ESS2: variants seen among roughly 807,000 people sequenced by gnomAD.
The protein encoded by ESS2 is splicing factor ESS-2 homolog.
ESS2 carries 31 observed loss-of-function variants against 52.0 expected under a neutral mutation model. The ratio of observed to expected loss-of-function variants is 0.60; its 90% CI spans 0.45 to 0.81. The LOEUF (loss-of-function observed/expected upper bound fraction) is 0.81, where lower values mean the gene tolerates loss of function less well. Among genes scored for constraint, ESS2 ranks in the 30% least tolerant of loss-of-function variants. The pLI, the probability that ESS2 is intolerant of heterozygous loss-of-function variation, is 0.00. For synonymous variants in ESS2, 285 were observed against 259.2 expected (o/e 1.10, Z -0.95); for missense variants, 602 against 637.2 (o/e 0.94, Z 0.59).
Position 19,132,401 on chromosome 22 carries a change from G to A in ESS2, c.*1795C>T. 1 of 1,613,040 alleles carries A rather than the reference G, an allele frequency of 6.2e-7. No individual in the cohort carries two copies. Among genetic ancestry groups the A allele is most frequent in the Non-Finnish European group, 8.5e-7 (1 of 1,179,992 alleles). On this transcript the variant is annotated 3_prime_UTR_variant, in exon 10 of 10. Coordinates refer to ENST00000252137, the MANE Select transcript of ESS2 (RefSeq NM_022719.3). The surrounding 1 kb of genome is among the most constrained non-coding windows in gnomAD (Gnocchi z 4.2). Reference sequence around the variant, plus strand: ...TGCCCGAGAACGAGAACAGGATGGAGGACAGGCTGGCCGAGACCTCCAGGG... The same window carrying A: ...TGCCCGAGAACGAGAACAGGATGGAAGACAGGCTGGCCGAGACCTCCAGGG...
In ESS2 at chr22:19,139,228, G is replaced by A; in HGVS notation, c.753C>T (p.Phe251=). ...PRQVVHKNTR[F]LRDPFSQALS... ...GGGCTTGGCTGAAGGGGTCCCTAAGGAAGCGCGTGTTCTTATGTACCACCT... is the reference window on the plus strand; with the variant it reads ...GGGCTTGGCTGAAGGGGTCCCTAAGAAAGCGCGTGTTCTTATGTACCACCT... The change falls in exon 6 of 10, where the codon TTC becomes TTT. Residue 251 remains phenylalanine (F), a synonymous_variant. Coordinates refer to ENST00000252137, the MANE Select transcript of ESS2 (RefSeq NM_022719.3). 3 of 1,609,186 alleles carry A rather than the reference G, an allele frequency of 1.9e-6. No homozygotes were observed. Among genetic ancestry groups the A allele is most frequent in the Non-Finnish European group, 2.5e-6 (3 of 1,177,596 alleles).
rs2083497307 is a variant in ESS2 at position 19,130,556 on chromosome 22, A to G, written c.*3640T>C. 1 of 432,940 alleles carries G rather than the reference A, an allele frequency of 2.3e-6. No homozygotes were observed. Among genetic ancestry groups the G allele is most frequent in the South Asian group, 1.8e-5 (1 of 56,222 alleles). 26.8% of individuals were successfully genotyped at this position (432,940 alleles called of 1,614,324 possible). Reference sequence around the variant, plus strand: ...GTACCGGAGTGATTATTTCGATTGTATCTCCTTTACAGCTTGGTCCAGAGA... The same window carrying G: ...GTACCGGAGTGATTATTTCGATTGTGTCTCCTTTACAGCTTGGTCCAGAGA... On this transcript the variant is annotated 3_prime_UTR_variant, in exon 10 of 10. Transcript: ENST00000252137.
chr22:19,132,531 A>G lies in ESS2; in HGVS notation c.*1665T>C. 1.3e-6 allele frequency: 2 copies of G among 1,525,024 alleles called. No individual in the cohort carries two copies. Among genetic ancestry groups the G allele is most frequent in the Non-Finnish European group, 1.8e-6 (2 of 1,128,366 alleles). The allele number at this position is 1,525,024 out of a possible 1,614,324, so 94.5% of individuals were successfully genotyped here. On this transcript the variant is annotated 3_prime_UTR_variant, in exon 10 of 10. Transcript: ENST00000252137. The surrounding 1 kb of genome is among the most constrained non-coding windows in gnomAD (Gnocchi z 4.2). ...GGGTCGGGGTTGGGGGGCATGGTGC[A>G]GTCGGCCTTCACGTAAACTAAGTAG...
intron 5 of ESS2, 56 bp from the exon 6 acceptor site, chr22:19,139,348 C>T (rs143110111): frequency 6.6e-7 from 1 of 1,513,916 alleles, no homozygotes; most frequent in Non-Finnish European, 8.8e-7. Context: ...GCCTAAGGAG[C>T]ATGAGGAGCT....
intron 6 of ESS2, 51 bp downstream of exon 6, chr22:19,139,108 G>A (rs1472111344): frequency 6.5e-7 from 1 of 1,542,930 alleles, no homozygotes. Flanking sequence ...CCTGCCCCCA[G>A]GCAGCCCTGT....
chr22:19,135,184 TAGC>T lies in ESS2; in HGVS notation c.1036-12_1036-10del. 6.2e-7 allele frequency: 1 copy of T among 1,608,924 alleles called. No homozygotes were observed. The highest frequency in any genetic ancestry group is 8.5e-7 in the Non-Finnish European group (1 of 1,176,106). On this transcript the variant is annotated splice_polypyrimidine_tract_variant and intron_variant, in intron 8 of 9. Transcript: ENST00000252137. ...CGGCCTGGCTCCAGGATCTACAAGG[TAGC>T]AGGTGTGTGGGTAGCTGCGCCAGGC...
Position 19,142,816 on chromosome 22 carries a change from C to G in ESS2, c.214G>C (p.Glu72Gln). Residue 72 changes from glutamate (E) to glutamine (Q), a missense_variant, in exon 2 of 10, where the codon GAG becomes CAG. Coordinates refer to ENST00000252137, the MANE Select transcript of ESS2 (RefSeq NM_022719.3). ...LQAQKEYLEAEENGDLERMRQ... is the reference protein window; with the variant it reads ...LQAQKEYLEAQENGDLERMRQ... ...ATCCGTTCCAAGTCTCCATTCTCCT[C>G]GGCTTCCAGGTACTCCTTCTGTGCC... 1 of 1,614,138 alleles carries G rather than the reference C, an allele frequency of 6.2e-7. No individual in the cohort carries two copies. The highest frequency in any genetic ancestry group is 8.5e-7 in the Non-Finnish European group (1 of 1,180,040).
At position 19,142,715 on chromosome 22, in the gene ESS2, G is replaced by C; in HGVS notation, c.304+11C>G. Reference sequence around the variant, plus strand: ...GCTTTCCCCTCTCCGCCACCCACAGGGTCCTCATACAGGGTGGCGGGGGCT... The same window carrying C: ...GCTTTCCCCTCTCCGCCACCCACAGCGTCCTCATACAGGGTGGCGGGGGCT... On this transcript the variant is annotated intron_variant, in intron 2 of 9. Transcript: ENST00000252137. 1 of 1,612,642 alleles carries C rather than the reference G, an allele frequency of 6.2e-7. No individual in the cohort carries two copies. Among genetic ancestry groups the C allele is most frequent in the South Asian group, 1.1e-5 (1 of 90,938 alleles).
At position 19,132,107 on chromosome 22, in the gene ESS2, G is replaced by C. The variant is rs138079700; in HGVS notation, c.*2089C>G. On this transcript the variant is annotated 3_prime_UTR_variant, in exon 10 of 10. Transcript: ENST00000252137. The surrounding 1 kb of genome is among the most constrained non-coding windows in gnomAD (Gnocchi z 4.2). Reference sequence around the variant, plus strand: ...AGAAGGAGCACCGTGTGGACTTCCCGCGCTCCAAGAACCTGACCTGCGAGT... The same window carrying C: ...AGAAGGAGCACCGTGTGGACTTCCCCCGCTCCAAGAACCTGACCTGCGAGT... 162 of 1,612,844 alleles carry C rather than the reference G, an allele frequency of 1.0e-4. No homozygotes were observed. The highest frequency in any genetic ancestry group is 3.3e-4 in the Middle Eastern group (2 of 6,080).
intron 3 of ESS2, 54 bp from the exon 4 acceptor site, chr22:19,140,078 G>A: frequency 1.3e-6 from 2 of 1,593,522 alleles, no homozygotes; most frequent in South Asian, 1.1e-5. Context: ...TCAGGAAAGA[G>A]GAGGACACCC....
Position 19,139,348 on chromosome 22 carries a change from C to A in ESS2, c.689-56G>T, listed in dbSNP as rs143110111. Reference sequence around the variant, plus strand: ...GTCAGAAGGGCAGCAGCCTAAGGAGCATGAGGAGCTCGCTTCTCGGCCAAG... The same window carrying A: ...GTCAGAAGGGCAGCAGCCTAAGGAGAATGAGGAGCTCGCTTCTCGGCCAAG... On this transcript the variant is annotated intron_variant, in intron 5 of 9. Coordinates refer to ENST00000252137, the MANE Select transcript of ESS2 (RefSeq NM_022719.3). 30 of 1,513,796 alleles carry A rather than the reference C, an allele frequency of 2.0e-5. No individual in the cohort carries two copies. In the Admixed American group the frequency reaches 2.1e-4, roughly 11 times the overall value. The allele number at this position is 1,513,796 out of a possible 1,614,324, so 93.8% of individuals were successfully genotyped here.
chr22:19,139,618 G>A lies in ESS2; in HGVS notation c.682C>T (p.Pro228Ser), dbSNP rs1569110187. 6.2e-7 allele frequency: 1 copy of A among 1,613,930 alleles called. No homozygotes were observed. Residue 228 changes from proline (P) to serine (S), a missense_variant, in exon 5 of 10, where the codon CCA becomes TCA. Physicochemically the swap from Pro to Ser is moderately conservative, Grantham distance 74. Coordinates refer to ENST00000252137, the MANE Select transcript of ESS2 (RefSeq NM_022719.3). Reference protein sequence around the residue: ...YKAKNSLMYYPEGVPDEEQLF... With the variant: ...YKAKNSLMYYSEGVPDEEQLF... Reference sequence around the variant, plus strand: ...TGCGAGGCCCGCCACTTACCCTCTGGATAGTACATGAGGGAATTCTTGGCC... The same window carrying A: ...TGCGAGGCCCGCCACTTACCCTCTGAATAGTACATGAGGGAATTCTTGGCC...
intron 8 of ESS2, among the ~76,000 whole-genome samples, chr22:19,136,039 A>AAAAAAAAAAAAAAAAAG: frequency 6.7e-6 from 1 of 149,222 alleles, no homozygotes; most frequent in African/African-American, 2.5e-5. Context: ...GTTAAAAAAA[A>AAAAAAAAAAAAAAAAAG]AAAAAAAAAA....
chr22:19,138,496 A>T, intron 6 of ESS2, 179 bp from the exon 7 acceptor site: 1 of 724,352 alleles, frequency 1.4e-6, no homozygotes, highest in Non-Finnish European at 2.5e-6. Context: ...CAACCCCCCA[A>T]AAGACCTTGA....
intron 1 of ESS2, 74 bp downstream of exon 1, chr22:19,144,432 A>G: frequency 6.2e-7 from 1 of 1,601,738 alleles, no homozygotes. Context: ...TCAACACCCG[A>G]GAGAGGGAAC....
chr22:19,138,594 C>G, intron 6 of ESS2: 1 of 571,022 alleles, frequency 1.8e-6, no homozygotes, highest in Admixed American at 3.0e-5. Flanking sequence ...CTGCGCCTAT[C>G]CCAGCAACTC....
rs537105916 is a variant in ESS2 at position 19,144,631 on chromosome 22, G to T, written c.10C>A (p.Pro4Thr). 6.5e-7 allele frequency: 1 copy of T among 1,530,560 alleles called. No individual in the cohort carries two copies. The highest frequency in any genetic ancestry group is 1.2e-5 in the South Asian group (1 of 83,990). The allele number at this position is 1,530,560 out of a possible 1,614,324, so 94.8% of individuals were successfully genotyped here. MET[P>T]GASASSLLLP... ...AACAAGGACGACGCTGATGCGCCCG[G>T]CGTCTCCATCGCTATCCCAGGAAAA... is the stretch of plus-strand genomic sequence containing the variant. Residue 4 changes from proline (P) to threonine (T), a missense_variant, in exon 1 of 10, where the codon CCG (proline) becomes ACG (threonine). Pro to Thr is a conservative substitution (Grantham distance 38). Coordinates refer to ENST00000252137, the MANE Select transcript of ESS2 (RefSeq NM_022719.3).
At position 19,133,443 on chromosome 22, in the gene ESS2, G is replaced by A. The variant is rs2083529404; in HGVS notation, c.*753C>T. ...TCTGGGAGCTCCTGTTGGTGGAAGT[G>A]ACCAGGTGAGGCCAGGGCCAGCAGC... On this transcript the variant is annotated 3_prime_UTR_variant, in exon 10 of 10. Transcript: ENST00000252137. 6.5e-6 allele frequency: 1 copy of A among 153,020 alleles called. No homozygotes were observed. The highest frequency in any genetic ancestry group is 6.5e-5 in the Admixed American group (1 of 15,290). The allele number at this position is 153,020 out of a possible 1,614,324, so 9.5% of individuals were successfully genotyped here.
At chr22:19,140,137 C>T (rs1056172308) in intron 3 of ESS2, 113 bp from the exon 4 acceptor site, 1 of 1,323,086 alleles carries the variant, frequency 7.6e-7, no homozygotes, top group Non-Finnish European at 1.0e-6. Flanking sequence ...ATCCTCTCCC[C>T]TGGTCCTGGC....
Sources: allele counts gnomAD v4.1 joint callset (sites outside exome capture counted in the v4.1 genomes callset), GRCh38; gene constraint gnomAD v4.1.1; non-coding constraint Gnocchi (gnomAD v3.1); transcripts MANE v1.5; gene names NCBI Gene and HGNC (gene_info 2026-07-23, HGNC 2026-07-21).